The following PDZRN4 variants were observed in gnomAD, a reference collection of about 807,000 sequenced individuals.
The protein encoded by PDZRN4 is PDZ domain-containing RING finger protein 4.
Under a neutral mutation model 99.0 loss-of-function variants are expected in PDZRN4, and 70 were observed. The observed-to-expected ratio is 0.71, with a 90% CI of 0.58 to 0.86. The LOEUF is 0.86. Among genes scored for constraint, PDZRN4 ranks in the 40% least tolerant of loss-of-function variants. The pLI, the probability that PDZRN4 is intolerant of heterozygous loss-of-function variation, is 0.00. For synonymous variants in PDZRN4, 551 were observed against 501.6 expected (o/e 1.10, Z -1.32); for missense variants, 1,474 against 1,331.2 (o/e 1.11, Z -1.67).
chr12:41,317,048 G>GTATACATACATATATATATATATATATA (rs374645706), intron 3 of PDZRN4, among the ~76,000 whole-genome samples: 2,958 of 69,316 alleles, frequency 0.043, 545 homozygotes, highest in Non-Finnish European at 0.062. Flanking sequence ...CTTACATAAA[G>GTATACATACATATATATATATATATATA]TATATATATA....
intron 3 of PDZRN4, among the ~76,000 whole-genome samples, chr12:41,291,031 T>A (rs1035687917): frequency 1.6e-4 from 24 of 151,532 alleles, no homozygotes; most frequent in African/African-American, 4.8e-4. Context: ...AGTTGCTTTT[T>A]AAAAAAAAAT....
chr12:41,506,906 C>T (rs1938216949), intron 4 of PDZRN4, among the ~76,000 whole-genome samples, 194 bp downstream of exon 4: 1 of 152,114 alleles, frequency 6.6e-6, no homozygotes, highest in African/African-American at 2.4e-5. Context: ...CTCTCCCTGA[C>T]CCACATGGTT....
chr12:41,365,378 A>T (rs539102026), intron 3 of PDZRN4, among the ~76,000 whole-genome samples: 207 of 151,974 alleles, frequency 1.4e-3, no homozygotes, highest in South Asian at 0.012. Flanking sequence ...GTTTTTTTTT[A>T]AATTGTATGT....
At chr12:41,210,340 T>C (rs1950880095) in intron 3 of PDZRN4, among the ~76,000 whole-genome samples, 1 of 152,132 alleles carries the variant, frequency 6.6e-6, no homozygotes, top group South Asian at 2.1e-4. Context: ...GTGCAGAAGC[T>C]CTTTAGTTTA....
At chr12:41,318,717 C>A (rs1215318477) in intron 3 of PDZRN4, among the ~76,000 whole-genome samples, 2 of 152,152 alleles carry the variant, frequency 1.3e-5, no homozygotes, top group African/African-American at 4.8e-5. Context: ...TTCTCCATCA[C>A]CTCCCTTCCC....
chr12:41,492,246 C>A lies in PDZRN4; in HGVS notation c.844-14210C>A, dbSNP rs144851052. Among the ~76,000 whole-genome samples the A allele has an allele frequency of 8.5e-5, 13 of 152,204 alleles. No homozygotes were observed. In the East Asian group the frequency reaches 1.4e-3, roughly 16 times the overall value. Reference sequence around the variant, plus strand: ...CTAAGATTAACTTATTATCTTATTTCTTTTATATGTAAAACCCTTGAATTT... The same window carrying A: ...CTAAGATTAACTTATTATCTTATTTATTTTATATGTAAAACCCTTGAATTT... On this transcript the variant is annotated intron_variant, in intron 3 of 9. Transcript: ENST00000402685.
At chr12:41,548,990 A>G (rs1458946777) in intron 5 of PDZRN4, among the ~76,000 whole-genome samples, 3 of 152,178 alleles carry the variant, frequency 2.0e-5, no homozygotes, top group Admixed American at 1.3e-4. Context: ...AAGAGACTTT[A>G]GACGCGTCCC....
At chr12:41,558,137 G>A (rs138244108) in intron 7 of PDZRN4, among the ~76,000 whole-genome samples, 9 of 152,230 alleles carry the variant, frequency 5.9e-5, no homozygotes, top group African/African-American at 1.7e-4. Flanking sequence ...AATTTTAAAC[G>A]TATTGTTCAC....
At chr12:41,445,739 G>T (rs1458245254) in intron 3 of PDZRN4, among the ~76,000 whole-genome samples, 1 of 151,962 alleles carries the variant, frequency 6.6e-6, no homozygotes, top group Non-Finnish European at 1.5e-5. Flanking sequence ...ATCTTTTCCA[G>T]GCACTGTTTT....
intron 3 of PDZRN4, among the ~76,000 whole-genome samples, chr12:41,460,885 G>A (rs774648438): frequency 5.3e-5 from 8 of 152,172 alleles, no homozygotes; most frequent in Non-Finnish European, 8.8e-5. Context: ...CATGTTGCTC[G>A]TCTAAGGGAC....
intron 3 of PDZRN4, among the ~76,000 whole-genome samples, chr12:41,495,757 A>G (rs1457472454): frequency 6.6e-6 from 1 of 151,870 alleles, no homozygotes; most frequent in African/African-American, 2.4e-5. Context: ...TTTCTCTACA[A>G]CCTCTTCTCC....
chr12:41,572,415 T>G lies in PDZRN4; in HGVS notation c.1636T>G (p.Ser546Ala). ...EGTTDTATSS[S>A]NNHEKDSGVG... is the part of the protein sequence containing the mutation. ...CACAACAGACACTGCAACATCCTCATCCAACAACCATGAGAAGGACAGTGG... is the reference window on the plus strand; with the variant it reads ...CACAACAGACACTGCAACATCCTCAGCCAACAACCATGAGAAGGACAGTGG... Residue 546 changes from serine (S) to alanine (A), a missense_variant, in exon 10 of 10, where the codon TCC becomes GCC. Coordinates refer to ENST00000402685, the MANE Select transcript of PDZRN4 (RefSeq NM_001164595.2). 1 of 1,614,090 alleles carries G rather than the reference T, an allele frequency of 6.2e-7. No individual in the cohort carries two copies.
At position 41,188,491 on chromosome 12, in the gene PDZRN4, G is replaced by A. The variant is rs1367219980; in HGVS notation, c.36G>A (p.Val12=). The part of the protein sequence containing the change: ...GFALERFAEA[V]DPALECKLCG... ...CCCTGGAGCGCTTCGCAGAAGCCGTGGACCCGGCTCTGGAGTGCAAACTGT... is the reference window on the plus strand; with the variant it reads ...CCCTGGAGCGCTTCGCAGAAGCCGTAGACCCGGCTCTGGAGTGCAAACTGT... Residue 12 remains valine, a synonymous_variant, in exon 1 of 10, where the codon GTG becomes GTA. Transcript: ENST00000402685. 6 of 1,591,832 alleles carry A rather than the reference G, an allele frequency of 3.8e-6. No homozygotes were observed. The highest frequency in any genetic ancestry group is 2.3e-5 in the East Asian group (1 of 44,222).
At chr12:41,563,432 C>G in intron 7 of PDZRN4, 116 bp from the exon 8 acceptor site, 2 of 730,558 alleles carry the variant, frequency 2.7e-6, no homozygotes, top group Admixed American at 4.6e-5. Flanking sequence ...GAAGATGAGC[C>G]CATTGTGTGA....
intron 3 of PDZRN4, among the ~76,000 whole-genome samples, chr12:41,245,449 A>G (rs1424161234): frequency 6.6e-6 from 1 of 152,234 alleles, no homozygotes; most frequent in Non-Finnish European, 1.5e-5. Flanking sequence ...TACAAAATTA[A>G]TTAGAATATG....
chr12:41,468,240 T>C (rs1316182451), intron 3 of PDZRN4, among the ~76,000 whole-genome samples: 1 of 152,212 alleles, frequency 6.6e-6, no homozygotes, highest in Non-Finnish European at 1.5e-5. Flanking sequence ...ATTGAATATT[T>C]AGAATGACCT....
At chr12:41,431,493 A>C (rs1952585535) in intron 3 of PDZRN4, among the ~76,000 whole-genome samples, 1 of 152,184 alleles carries the variant, frequency 6.6e-6, no homozygotes, top group Non-Finnish European at 1.5e-5. Context: ...AGAATACTTC[A>C]TAGTTCATGA....
At chr12:41,488,137 G>C (rs1002242638) in intron 3 of PDZRN4, among the ~76,000 whole-genome samples, 2 of 152,066 alleles carry the variant, frequency 1.3e-5, no homozygotes, top group East Asian at 3.9e-4. Context: ...CCTTTTAGCC[G>C]TGCAAAACTA....
intron 3 of PDZRN4, among the ~76,000 whole-genome samples, chr12:41,426,746 A>G (rs899790628): frequency 6.6e-6 from 1 of 152,232 alleles, no homozygotes; most frequent in East Asian, 1.9e-4. Flanking sequence ...CATAATCACA[A>G]AAGTTAGCAT....
Sources: gnomAD v4.1 joint callset for allele counts (sites outside exome capture counted in the v4.1 genomes callset) on GRCh38, gnomAD v4.1.1 for gene constraint, MANE v1.5 for transcripts, NCBI Gene and HGNC (gene_info 2026-07-23, HGNC 2026-07-21) for gene names.